Variants in KATNIP observed in about 807,000 individuals in gnomAD.
KATNIP encodes katanin interacting protein.
KATNIP carries 126 observed loss-of-function variants against 174.0 expected under a neutral mutation model. The ratio of observed to expected loss-of-function variants is 0.72; its 90% CI spans 0.63 to 0.84. The LOEUF (loss-of-function observed/expected upper bound fraction) is 0.84. Ranked by LOEUF, KATNIP falls within the 40% of genes least tolerant of loss-of-function variation. The pLI is 0.00. For synonymous variants in KATNIP, 810 were observed against 835.7 expected (o/e 0.97, Z 0.53); for missense variants, 1,958 against 2,109.7 (o/e 0.93, Z 1.41).
Position 27,751,917 on chromosome 16 carries a change from A to G in KATNIP, c.3545A>G (p.Asp1182Gly). 1 of 1,608,440 alleles carries G rather than the reference A, an allele frequency of 6.2e-7. No homozygotes were observed. The highest frequency in any genetic ancestry group is 8.5e-7 in the Non-Finnish European group (1 of 1,178,820). ...TTCACCCAGGCTGGCTTGGGGGCTG[A>G]TGAACGGGTAGGACTGGAGCTGGGG... ...RPFTQAGLGA[D>G]ERIPELELPS... Residue 1182 changes from aspartate (D) to glycine (G), a missense_variant, in exon 17 of 28, where the codon GAT becomes GGT. This residue lies in a region of KATNIP where 1,557 missense variants were observed against 1,617.8 expected (regional missense o/e 0.96). Coordinates refer to ENST00000261588, the MANE Select transcript of KATNIP (RefSeq NM_015202.5).
At position 27,698,378 on chromosome 16, in the gene KATNIP, T is replaced by TGCG; in HGVS notation, c.992_994dup (p.Cys331_Glu332insGly). ...CCTGTCTGCAACCCGCAAAACTCTTTGCGAGGCTGAGTACCCAGAGGAAGA... is the reference window on the plus strand; with the variant it reads ...CCTGTCTGCAACCCGCAAAACTCTTTGCGGCGAGGCTGAGTACCCAGAGGAAGA... On this transcript the variant is annotated inframe_insertion, in exon 9 of 28. Coordinates refer to ENST00000261588, the MANE Select transcript of KATNIP (RefSeq NM_015202.5). 4 of 1,612,996 alleles carry TGCG rather than the reference T, an allele frequency of 2.5e-6. No homozygotes were observed. Among genetic ancestry groups the TGCG allele is most frequent in the Middle Eastern group, 1.7e-4 (1 of 6,058 alleles).
At chr16:27,707,367 G>T (rs2079357624) in intron 12 of KATNIP, among the ~76,000 whole-genome samples, 2 of 152,200 alleles carry the variant, frequency 1.3e-5, no homozygotes, top group Admixed American at 6.5e-5. Context: ...TGGCATTCAC[G>T]CAGGCTCTCA....
rs552769615 is a variant in KATNIP, at chr16:27,567,805, G to A, written c.8-6096G>A. Among the ~76,000 whole-genome samples, 116 of 152,186 alleles carry A rather than the reference G, an allele frequency of 7.6e-4. 1 individual carries two copies. In the South Asian group the frequency reaches 0.022, roughly 29 times the overall value. ...GGCCTCCCAAAGTGCTGGGATTACA[G>A]GCGTGAGCCACTGCACCCAGTGGTG... On this transcript the variant is annotated intron_variant, in intron 1 of 27. Transcript: ENST00000261588.
intron 23 of KATNIP, 84 bp downstream of exon 23, chr16:27,773,293 C>A: frequency 2.1e-6 from 2 of 933,634 alleles, no homozygotes; most frequent in South Asian, 3.1e-5. Context: ...GCCTTGTGTG[C>A]AGAGGGAAAT....
At chr16:27,755,123 G>GT (rs1271562173) in intron 18 of KATNIP, 1 of 152,414 alleles carries the variant, frequency 6.6e-6, no homozygotes, top group Non-Finnish European at 1.5e-5. Context: ...CCCTGTGAAT[G>GT]TGACCCGCTT....
intron 14 of KATNIP, among the ~76,000 whole-genome samples, chr16:27,724,166 C>T (rs1012294871): frequency 2.0e-5 from 3 of 152,152 alleles, no homozygotes; most frequent in Non-Finnish European, 4.4e-5. Flanking sequence ...GAGGCTGACC[C>T]TCAGACCCCG....
In KATNIP at chr16:27,699,505, C is replaced by T. The variant is rs769060385; in HGVS notation, c.1114-29C>T. On this transcript the variant is annotated intron_variant, in intron 9 of 27. Coordinates refer to ENST00000261588, the MANE Select transcript of KATNIP (RefSeq NM_015202.5). ...CATGGAGTGAATGGCTTTGTTCCAA[C>T]ATCACATCATGTGATCACATCCTTC... 5.0e-6 allele frequency: 8 copies of T among 1,613,528 alleles called. No homozygotes were observed. The South Asian group carries it at 5.5e-5, about 11-fold the overall frequency.
At chr16:27,703,596 G>A (rs766579075) in intron 11 of KATNIP, among the ~76,000 whole-genome samples, 4 of 152,280 alleles carry the variant, frequency 2.6e-5, no homozygotes, top group African/African-American at 4.8e-5. Context: ...GATTTGACCC[G>A]TAGGCCTTAG....
intron 12 of KATNIP, among the ~76,000 whole-genome samples, chr16:27,707,073 A>G (rs546529407): frequency 1.3e-5 from 2 of 151,990 alleles, no homozygotes; most frequent in South Asian, 2.1e-4. Flanking sequence ...CCTCCTCCCT[A>G]TCCGCGTTCC....
intron 17 of KATNIP, 136 bp downstream of exon 17, chr16:27,752,060 A>G: frequency 1.7e-6 from 1 of 594,432 alleles, no homozygotes; most frequent in Non-Finnish European, 2.6e-6. Flanking sequence ...CCATCTTTCT[A>G]CTTTGTTTTT....
intron 3 of KATNIP, among the ~76,000 whole-genome samples, chr16:27,621,863 C>T (rs1052516746): frequency 7.2e-5 from 11 of 152,076 alleles, no homozygotes; most frequent in Middle Eastern, 3.4e-3. Context: ...CAAGGGGATG[C>T]TGCTAAACCA....
rs1393484155 is a variant in KATNIP, at chr16:27,779,281, C to A, written c.*652C>A. The A allele has an allele frequency of 6.6e-6, 1 of 152,356 alleles. No homozygotes were observed. The highest frequency in any genetic ancestry group is 1.5e-5 in the Non-Finnish European group (1 of 68,194). The allele number at this position is 152,356 out of a possible 1,614,324, so 9.4% of individuals were successfully genotyped here. ...AGGGATTGGCCAAGGCTGTGTGCAT[C>A]CTGCAGAGGGAAGGAAGTCAGCTGG... On this transcript the variant is annotated 3_prime_UTR_variant, in exon 28 of 28. Coordinates refer to ENST00000261588, the MANE Select transcript of KATNIP (RefSeq NM_015202.5).
intron 10 of KATNIP, among the ~76,000 whole-genome samples, chr16:27,700,025 C>T (rs1451565524): frequency 2.0e-5 from 3 of 152,088 alleles, no homozygotes; most frequent in South Asian, 4.1e-4. Context: ...ATTCTCCCAC[C>T]TCAGCCTCCC....
At chr16:27,725,089 T>C (rs938019565) in intron 14 of KATNIP, among the ~76,000 whole-genome samples, 2 of 152,158 alleles carry the variant, frequency 1.3e-5, no homozygotes, top group African/African-American at 4.8e-5. Context: ...ACTACAGCAG[T>C]GCACAGAAGG....
intron 13 of KATNIP, among the ~76,000 whole-genome samples, chr16:27,711,219 G>T (rs565213304): frequency 1.0e-3 from 159 of 152,280 alleles, no homozygotes; most frequent in African/African-American, 3.6e-3. Flanking sequence ...TGGTCTTTTG[G>T]GGGTGGGAGA....
chr16:27,657,713 C>T (rs2077344582), intron 6 of KATNIP, among the ~76,000 whole-genome samples: 1 of 152,090 alleles, frequency 6.6e-6, no homozygotes, highest in Non-Finnish European at 1.5e-5. Context: ...AGTTCAAGAC[C>T]AGTCTGGCCA....
intron 2 of KATNIP, among the ~76,000 whole-genome samples, chr16:27,577,459 T>C (rs542705294): frequency 2.6e-5 from 4 of 152,120 alleles, no homozygotes; most frequent in Admixed American, 2.6e-4. Context: ...TGGGAGGCTG[T>C]GGTGGGCAGA....
At chr16:27,662,063 T>C (rs1193824060) in intron 6 of KATNIP, among the ~76,000 whole-genome samples, 1 of 97,864 alleles carries the variant, frequency 1.0e-5, no homozygotes, top group Non-Finnish European at 1.9e-5. Context: ...TATATATATA[T>C]ATATATATAC....
chr16:27,645,392 A>G (rs1567246124), intron 5 of KATNIP, among the ~76,000 whole-genome samples: 1 of 152,216 alleles, frequency 6.6e-6, no homozygotes, highest in Non-Finnish European at 1.5e-5. Flanking sequence ...AGGAGTAGGC[A>G]TCAGAGTTCC....
Sources: gnomAD v4.1 joint callset for allele counts (sites outside exome capture counted in the v4.1 genomes callset) on GRCh38, gnomAD v4.1.1 for gene constraint, gnomAD v4.1.1 regional missense constraint, MANE v1.5 for transcripts, NCBI Gene and HGNC (gene_info 2026-07-23, HGNC 2026-07-21) for gene names.